Variants in FANCI observed in about 807,000 individuals in gnomAD.
The protein encoded by FANCI is FA complementation group I, also known as Fanconi anemia group I protein.
In FANCI, 156 loss-of-function variants were observed where a neutral mutation model predicts 176.1. That is an observed-to-expected ratio of 0.89 (90% CI 0.78 to 1.01). The LOEUF (loss-of-function observed/expected upper bound fraction) is 1.01, where lower values mean the gene tolerates loss of function less well. Ranked by LOEUF, FANCI falls within the 50% of genes least tolerant of loss-of-function variation. FANCI has a pLI of 0.00. For missense variants in FANCI, 1,678 were observed against 1,534.1 expected (o/e 1.09, Z -1.57); for synonymous variants, 613 against 541.7 (o/e 1.13, Z -1.83).
intron 27 of FANCI, among the ~76,000 whole-genome samples, chr15:89,302,825 G>A (rs920237648): frequency 2.6e-5 from 4 of 152,022 alleles, no homozygotes; most frequent in African/African-American, 7.2e-5. Flanking sequence ...CACCCGCCTC[G>A]GCCTCCCAAA....
At chr15:89,256,243 A>G (rs567385548) in intron 2 of FANCI, among the ~76,000 whole-genome samples, 1 of 152,314 alleles carries the variant, frequency 6.6e-6, no homozygotes, top group East Asian at 1.9e-4. Flanking sequence ...TCTACCCACT[A>G]GATTCCAACA....
At position 89,301,328 on chromosome 15, in the gene FANCI, G is replaced by A. The variant is rs780232353; in HGVS notation, c.2892G>A (p.Arg964=). 1 of 1,609,048 alleles carries A rather than the reference G, an allele frequency of 6.2e-7. No individual in the cohort carries two copies. The part of the protein sequence containing the change: ...RTAFQIRQFQ[R]SLLNLLSSQE... ...CTGTGTGTGCCTTCCTTTCTCAGAG[G>A]TCCTTGTTGAATTTACTTAGCAGTC... The change falls in exon 27 of 38, where the codon AGG becomes AGA. Residue 964 remains arginine, a splice_region_variant and synonymous_variant. Coordinates refer to ENST00000310775, the MANE Select transcript of FANCI (RefSeq NM_001113378.2).
intron 13 of FANCI, among the ~76,000 whole-genome samples, chr15:89,277,847 T>C (rs1023611687): frequency 1.3e-5 from 2 of 152,158 alleles, no homozygotes; most frequent in African/African-American, 2.4e-5. Flanking sequence ...TGTTCAATTG[T>C]TTAATGTAGC....
At chr15:89,268,259 A>AT (rs1166347942) in intron 9 of FANCI, 140 bp from the exon 10 acceptor site, 7 of 877,792 alleles carry the variant, frequency 8.0e-6, no homozygotes, top group South Asian at 1.4e-5. Flanking sequence ...CATCGGGCTG[A>AT]TTTTTTTGTA....
At chr15:89,263,538 G>A (rs996935642) in intron 7 of FANCI, 78 bp downstream of exon 7, 64 of 1,179,588 alleles carry the variant, frequency 5.4e-5, no homozygotes, top group Non-Finnish European at 6.7e-5. Flanking sequence ...TATAGCAAAC[G>A]TAAACATCAC....
chr15:89,261,553 C>T (rs1159990593), intron 4 of FANCI, 32 bp from the exon 5 acceptor site: 3 of 1,612,976 alleles, frequency 1.9e-6, no homozygotes, highest in Non-Finnish European at 2.5e-6. Context: ...TGGATTTCTG[C>T]TTGAGATTTC....
At position 89,251,816 on chromosome 15, in the gene FANCI, G is replaced by A. The variant is rs956563870; in HGVS notation, c.84+4085G>A. ...AAGCTTGAGAAAAATCAGAATGGGTGGCTGTTTCCTTTACATCATAAAATG... is the reference window on the plus strand; with the variant it reads ...AAGCTTGAGAAAAATCAGAATGGGTAGCTGTTTCCTTTACATCATAAAATG... On this transcript the variant is annotated intron_variant, in intron 2 of 37. Transcript: ENST00000310775. 3.3e-5 allele frequency among the ~76,000 whole-genome samples: 5 copies of A among 152,142 alleles called. No homozygotes were observed. In the East Asian group the frequency reaches 9.6e-4, roughly 29 times the overall value.
chr15:89,274,867 AG>A (rs1472904260), intron 12 of FANCI, among the ~76,000 whole-genome samples: 1 of 151,332 alleles, frequency 6.6e-6, no homozygotes, highest in Non-Finnish European at 1.5e-5. Context: ...GGCCTCCCAA[AG>A]TGCTGGGATT....
At position 89,249,036 on chromosome 15, in the gene FANCI, T is replaced by G. The variant is rs28558920; in HGVS notation, c.84+1305T>G. Among the ~76,000 whole-genome samples the G allele has an allele frequency of 4.7e-3, 716 of 152,280 alleles. 6 individuals are homozygous for G. Among genetic ancestry groups the G allele is most frequent in the African/African-American group, 0.016 (649 of 41,548 alleles). ...AAAACAACTACCAAAACAACAAACT[T>G]TATATCTGTTAACTGTCACCTTTTT... is the stretch of plus-strand genomic sequence containing the variant. On this transcript the variant is annotated intron_variant, in intron 2 of 37. Coordinates refer to ENST00000310775, the MANE Select transcript of FANCI (RefSeq NM_001113378.2).
chr15:89,257,947 A>G (rs1007927585), intron 2 of FANCI, among the ~76,000 whole-genome samples: 1 of 152,150 alleles, frequency 6.6e-6, no homozygotes, highest in African/African-American at 2.4e-5. Flanking sequence ...CTTCCGTTGC[A>G]CTTAGAGAAA....
rs1457298889 is a variant in FANCI at position 89,314,617 on chromosome 15, A to C, written c.3726A>C (p.Arg1242Ser). The C allele has an allele frequency of 6.2e-7, 1 of 1,613,514 alleles. No homozygotes were observed. Among genetic ancestry groups the C allele is most frequent in the South Asian group, 1.1e-5 (1 of 91,068 alleles). The change falls in exon 36 of 38, where the codon AGA becomes AGC. Residue 1242 changes from arginine to serine, a missense_variant. Coordinates refer to ENST00000310775, the MANE Select transcript of FANCI (RefSeq NM_001113378.2). ...CTTATGTTCTTTGCCCTTAGGCCAG[A>C]GTTCTTCGGGAAACCAAGCCAATCC... ...KPAAVATAMA[R>S]VLRETKPIPN...
chr15:89,291,645 G>A lies in FANCI; in HGVS notation c.1923G>A (p.Leu641=), dbSNP rs750462548. 13 of 1,613,730 alleles carry A rather than the reference G, an allele frequency of 8.1e-6. 1 individual carries two copies. In the South Asian group the frequency reaches 1.4e-4, roughly 18 times the overall value. The change falls in exon 20 of 38, where the codon CTG becomes CTA. Residue 641 remains leucine (L), a synonymous_variant. Transcript: ENST00000310775. ...LKQFYEPKPD[L]LPPLKLEACI... is the part of the protein sequence containing the mutation. The stretch of plus-strand genomic sequence containing the variant: ...AGTTCTATGAGCCAAAACCTGATCT[G>A]CTGCCTCCTCTGAAATTAGAAGCTT...
Position 89,303,846 on chromosome 15 carries a change from G to A in FANCI, c.3007-18G>A, listed in dbSNP as rs1418045324. ...TCTCTGGCATGTTTCTTTAATATCT[G>A]AATGATCTCTAATTTAGTTTGTGCA... On this transcript the variant is annotated intron_variant, in intron 27 of 37. Coordinates refer to ENST00000310775, the MANE Select transcript of FANCI (RefSeq NM_001113378.2). 5 of 1,610,882 alleles carry A rather than the reference G, an allele frequency of 3.1e-6. No individual in the cohort carries two copies. Among genetic ancestry groups the A allele is most frequent in the Non-Finnish European group, 4.2e-6 (5 of 1,177,214 alleles).
chr15:89,297,258 T>C (rs1354170815), intron 24 of FANCI, among the ~76,000 whole-genome samples: 1 of 149,776 alleles, frequency 6.7e-6, no homozygotes, highest in African/African-American at 2.5e-5. Context: ...GCAGAGACGC[T>C]CCTCACTTCC....
rs772064971 is a variant in FANCI, at chr15:89,311,825, T to C, written c.3652-1079T>C. Among the ~76,000 whole-genome samples, 3 of 152,192 alleles carry C rather than the reference T, an allele frequency of 2.0e-5. No homozygotes were observed. In the East Asian group the frequency reaches 5.8e-4, roughly 29 times the overall value. On this transcript the variant is annotated intron_variant, in intron 34 of 37. Coordinates refer to ENST00000310775, the MANE Select transcript of FANCI (RefSeq NM_001113378.2). Reference sequence around the variant, plus strand: ...CCCTCGTGGAGCATGGTATGTTCCCTTCCTAAGAAGGTTTAGAACTCCCCT... The same window carrying C: ...CCCTCGTGGAGCATGGTATGTTCCCCTCCTAAGAAGGTTTAGAACTCCCCT...
intron 2 of FANCI, among the ~76,000 whole-genome samples, chr15:89,250,305 CAAT>C (rs1183235942): frequency 2.0e-5 from 3 of 152,040 alleles, no homozygotes; most frequent in Non-Finnish European, 4.4e-5. Context: ...AAGTGTCCAA[CAAT>C]GATAGACTGG....
chr15:89,288,728 C>G (rs1485427734), intron 18 of FANCI, among the ~76,000 whole-genome samples: 1 of 151,446 alleles, frequency 6.6e-6, no homozygotes, highest in Admixed American at 6.6e-5. Flanking sequence ...AAATAATCCT[C>G]TTGCCTCAGC....
downstream of FANCI, chr15:89,317,211 A>C: frequency 1.5e-6 from 1 of 662,906 alleles, no homozygotes; most frequent in Non-Finnish European, 2.7e-6. Flanking sequence ...ACATCATATC[A>C]CATTCACTCT....
chr15:89,296,735 T>C (rs534498275), intron 24 of FANCI, among the ~76,000 whole-genome samples: 5 of 151,800 alleles, frequency 3.3e-5, no homozygotes, highest in East Asian at 2.0e-4. Context: ...GGGTGGTGGC[T>C]GGGCAGAGGG....
Sources: allele counts gnomAD v4.1 joint callset (sites outside exome capture counted in the v4.1 genomes callset), GRCh38; gene constraint gnomAD v4.1.1; transcripts MANE v1.5; gene names NCBI Gene and HGNC (gene_info 2026-07-23, HGNC 2026-07-21).